Variants in CLHC1 observed in about 807,000 individuals in gnomAD.
CLHC1 encodes clathrin heavy chain linker domain-containing protein 1.
A neutral mutation model predicts 69.5 loss-of-function variants in CLHC1; 72 were observed. That is an observed-to-expected ratio of 1.04 (90% CI 0.86 to 1.26). The LOEUF is 1.26. Ranked by LOEUF, CLHC1 falls within the 50% of genes most tolerant of loss-of-function variation. The pLI is 0.00. For missense variants in CLHC1, 790 were observed against 679.3 expected, an observed-to-expected ratio of 1.16 and a Z score of -1.81; for synonymous variants, 223 against 224.3, an observed-to-expected ratio of 0.99 and a Z score of 0.05.
chr2:55,217,717 A>G (rs538627244), intron 4 of CLHC1, 94 bp downstream of exon 4: 23 of 712,914 alleles, frequency 3.2e-5, no homozygotes, highest in Non-Finnish European at 4.3e-5. Context: ...TTGAAATTCA[A>G]TAAGACTAAG....
rs745719731 is a variant in CLHC1 at position 55,222,307 on chromosome 2, A to C, written c.105T>G (p.Thr35=). The change falls in exon 3 of 13, where the codon ACT becomes ACG. Residue 35 remains threonine (T), a synonymous_variant. Transcript: ENST00000401408. ...ESVQRYIITE[T]ERLGCSEEGP... is the part of the protein sequence containing the mutation. ...CTTCCTCACTACAGCCCAGTCTTTC[A>C]GTTTCTGTAATTATGTATCTTTGCA... 1 of 1,613,678 alleles carries C rather than the reference A, an allele frequency of 6.2e-7. No homozygotes were observed. Among genetic ancestry groups the C allele is most frequent in the African/African-American group, 1.3e-5 (1 of 75,034 alleles).
rs145535653 is a variant in CLHC1 at position 55,211,025 on chromosome 2, T to C, written c.500-1194A>G. Reference sequence around the variant, plus strand: ...AATCCTCCTTTCTCATCTGGGCCAATTGTTGACTTTAGTACATATCACAAA... The same window carrying C: ...AATCCTCCTTTCTCATCTGGGCCAACTGTTGACTTTAGTACATATCACAAA... On this transcript the variant is annotated intron_variant, in intron 5 of 12. Coordinates refer to ENST00000401408, the MANE Select transcript of CLHC1 (RefSeq NM_152385.4). Among the ~76,000 whole-genome samples, 458 of 152,220 alleles carry C rather than the reference T, an allele frequency of 3.0e-3. 2 individuals are homozygous for C. Among genetic ancestry groups the C allele is most frequent in the Middle Eastern group, 0.014 (4 of 294 alleles).
chr2:55,214,046 T>C (rs1340734657), intron 4 of CLHC1, among the ~76,000 whole-genome samples: 1 of 152,182 alleles, frequency 6.6e-6, no homozygotes, highest in East Asian at 1.9e-4. Context: ...TGGGGGGTTC[T>C]GGCTAAACTT....
At chr2:55,200,359 T>C (rs1006733360) in intron 9 of CLHC1, among the ~76,000 whole-genome samples, 2 of 150,708 alleles carry the variant, frequency 1.3e-5, no homozygotes, top group African/African-American at 4.9e-5. Context: ...AGATATTCCA[T>C]TCAAATGGAA....
chr2:55,192,670 C>A (rs757873753), intron 9 of CLHC1, among the ~76,000 whole-genome samples: 1 of 152,226 alleles, frequency 6.6e-6, no homozygotes, highest in Admixed American at 6.5e-5. Context: ...AAGAAATAAA[C>A]TCTAAATATT....
rs1265905860 is a variant in CLHC1 at position 55,209,720 on chromosome 2, G to C, written c.611C>G (p.Ala204Gly). The C allele has an allele frequency of 3.7e-6, 6 of 1,613,478 alleles. No individual in the cohort carries two copies. The highest frequency in any genetic ancestry group is 5.1e-6 in the Non-Finnish European group (6 of 1,179,662). Residue 204 changes from alanine (A) to glycine (G), a missense_variant, in exon 6 of 13, where the codon GCT becomes GGT. Ala to Gly is a moderately conservative substitution (Grantham distance 60, BLOSUM62 0). Transcript: ENST00000401408. ...KQAMLIKYVP[A>G]QRKADLDEEM... is the part of the protein sequence containing the mutation. ...TTCATCTAAATCAGCCTTCCTCTGA[G>C]CTGGCACATATTTTATCAACATAGC...
At chr2:55,188,392 A>C (rs1467331167) in intron 9 of CLHC1, among the ~76,000 whole-genome samples, 1 of 152,214 alleles carries the variant, frequency 6.6e-6, no homozygotes, top group Non-Finnish European at 1.5e-5. Context: ...TTCATATTAA[A>C]ACCATAATAA....
At chr2:55,200,344 GA>G (rs1180931135) in intron 9 of CLHC1, among the ~76,000 whole-genome samples, 1 of 150,228 alleles carries the variant, frequency 6.7e-6, no homozygotes, top group Non-Finnish European at 1.5e-5. Flanking sequence ...CACAGGAATG[GA>G]AAAAGATATT....
chr2:55,185,574 T>G (rs1354090936), intron 9 of CLHC1, among the ~76,000 whole-genome samples: 1 of 152,210 alleles, frequency 6.6e-6, no homozygotes, highest in Admixed American at 6.5e-5. Context: ...CAGGTTTCAT[T>G]TTCTGCTGTA....
At chr2:55,198,853 C>T (rs1357557732) in intron 9 of CLHC1, among the ~76,000 whole-genome samples, 3 of 151,918 alleles carry the variant, frequency 2.0e-5, no homozygotes, top group African/African-American at 4.8e-5. Flanking sequence ...GAGAGAGTGG[C>T]AGGACATGTT....
intron 9 of CLHC1, among the ~76,000 whole-genome samples, chr2:55,199,288 C>T (rs1162401952): frequency 4.4e-5 from 4 of 90,350 alleles, no homozygotes; most frequent in African/African-American, 1.8e-4. Context: ...AAGAGTGAGA[C>T]TCCATCTCAA....
chr2:55,178,512 C>T (rs1669617317), intron 11 of CLHC1, among the ~76,000 whole-genome samples: 1 of 152,168 alleles, frequency 6.6e-6, no homozygotes, highest in Non-Finnish European at 1.5e-5. Context: ...CAAAGTCTCA[C>T]TGTGTGGCCC....
At chr2:55,183,969 CAG>C (rs897201951) in intron 9 of CLHC1, among the ~76,000 whole-genome samples, 7 of 152,200 alleles carry the variant, frequency 4.6e-5, no homozygotes, top group Admixed American at 4.6e-4. Flanking sequence ...TTAGTAGAGA[CAG>C]GGTGTCACCA....
intron 3 of CLHC1, among the ~76,000 whole-genome samples, chr2:55,219,357 A>C (rs919425394): frequency 4.6e-5 from 7 of 152,236 alleles, no homozygotes; most frequent in Non-Finnish European, 1.0e-4. Context: ...AAGTAGAAAT[A>C]TGCAAACTGG....
chr2:55,197,459 T>C (rs749599372), intron 9 of CLHC1, among the ~76,000 whole-genome samples: 1 of 152,206 alleles, frequency 6.6e-6, no homozygotes, highest in African/African-American at 2.4e-5. Context: ...ACAGTGGTGC[T>C]TGTGTTCCAC....
chr2:55,219,440 C>T (rs945193490), intron 3 of CLHC1, among the ~76,000 whole-genome samples: 1 of 152,136 alleles, frequency 6.6e-6, no homozygotes. Context: ...GGAATTTTAA[C>T]CCAAAATCAC....
rs765109921 is a variant in CLHC1 at position 55,180,677 on chromosome 2, C to T, written c.1217G>A (p.Cys406Tyr). ...TFSEEAGDVI[C>Y]DYGEQDTYNK... ...ATAAGTATCCTGCTCCCCATAATCA[C>T]AAATCACATCCCCAGCCTCCTCAGA... Residue 406 changes from cysteine (C) to tyrosine (Y), a missense_variant, in exon 11 of 13, where the codon TGT becomes TAT. Cys to Tyr is a radical substitution (Grantham distance 194). Coordinates refer to ENST00000401408, the MANE Select transcript of CLHC1 (RefSeq NM_152385.4). 2 of 1,613,888 alleles carry T rather than the reference C, an allele frequency of 1.2e-6. No individual in the cohort carries two copies. Among genetic ancestry groups the T allele is most frequent in the East Asian group, 4.5e-5 (2 of 44,872 alleles).
intron 9 of CLHC1, among the ~76,000 whole-genome samples, chr2:55,183,942 G>A (rs1018040309): frequency 1.5e-4 from 23 of 151,920 alleles, no homozygotes; most frequent in Admixed American, 1.2e-3. Flanking sequence ...TACCACGCCC[G>A]GCTAATTTTT....
chr2:55,211,989 T>G (rs1673056189), intron 5 of CLHC1, among the ~76,000 whole-genome samples: 1 of 152,158 alleles, frequency 6.6e-6, no homozygotes, highest in Non-Finnish European at 1.5e-5. Context: ...CAAAAAAACC[T>G]GAAGCGGCTG....
Sources: allele counts gnomAD v4.1 joint callset (sites outside exome capture counted in the v4.1 genomes callset), GRCh38; gene constraint gnomAD v4.1.1; transcripts MANE v1.5; gene names NCBI Gene and HGNC (gene_info 2026-07-23, HGNC 2026-07-21).